The following MACROD2 variants were observed in gnomAD, a reference collection of about 807,000 sequenced individuals.
MACROD2 encodes mono-ADP ribosylhydrolase 2, also known as ADP-ribose glycohydrolase MACROD2.
Under a neutral mutation model 70.4 loss-of-function variants are expected in MACROD2, and 36 were observed. That is an observed-to-expected ratio of 0.51 (90% confidence interval 0.39 to 0.68). MACROD2 has a LOEUF of 0.68. MACROD2 is among the 30% of genes least tolerant of loss of function. MACROD2 has a pLI of 0.00. For synonymous variants in MACROD2, 172 were observed against 178.8 expected, an observed-to-expected ratio of 0.96 and a Z score of 0.30; for missense variants, 496 against 538.4, an observed-to-expected ratio of 0.92 and a Z score of 0.78.
intron 5 of MACROD2, among the ~76,000 whole-genome samples, chr20:15,128,179 A>G (rs550269545): frequency 1.3e-5 from 2 of 152,222 alleles, no homozygotes; most frequent in South Asian, 2.1e-4. Context: ...CTCTAAGAAT[A>G]CCTGTATGTT....
chr20:15,076,850 A>C (rs991416898), intron 5 of MACROD2, among the ~76,000 whole-genome samples: 1 of 152,212 alleles, frequency 6.6e-6, no homozygotes, highest in Non-Finnish European at 1.5e-5. Context: ...TGAAGGAAGA[A>C]ATCAAAGAGT....
chr20:15,799,386 T>C (rs1568567880), intron 8 of MACROD2, among the ~76,000 whole-genome samples: 1 of 152,192 alleles, frequency 6.6e-6, no homozygotes, highest in Non-Finnish European at 1.5e-5. Context: ...CTAGAACTTA[T>C]TCTTTCTATC....
At chr20:14,859,260 C>A (rs1245180509) in intron 5 of MACROD2, among the ~76,000 whole-genome samples, 2 of 151,906 alleles carry the variant, frequency 1.3e-5, no homozygotes, top group African/African-American at 4.8e-5. Flanking sequence ...GGGTTCACTG[C>A]CAAGCAAATA....
chr20:14,389,620 C>A (rs1211277488), intron 3 of MACROD2, among the ~76,000 whole-genome samples: 1 of 152,076 alleles, frequency 6.6e-6, no homozygotes, highest in Non-Finnish European at 1.5e-5. Context: ...CGGGAGCTGG[C>A]TATGAAATTA....
At chr20:15,681,014 A>G (rs982429752) in intron 8 of MACROD2, among the ~76,000 whole-genome samples, 1 of 152,152 alleles carries the variant, frequency 6.6e-6, no homozygotes, top group South Asian at 2.1e-4. Context: ...AAAGTCATAA[A>G]CTCAGGCTGC....
rs2073384739 is a variant in MACROD2 at position 14,862,715 on chromosome 20, A to ATATAAATATATATATATATT, written c.418+177757_418+177758insATAAATATATATATATATTT. 6.3e-5 allele frequency among the ~76,000 whole-genome samples: 4 copies of ATATAAATATATATATATATT among 63,348 alleles called. 1 individual carries two copies. Among genetic ancestry groups the ATATAAATATATATATATATT allele is most frequent in the Non-Finnish European group, 8.2e-5 (3 of 36,580 alleles). 41.6% of individuals were successfully genotyped at this position (63,348 alleles called of 152,430 possible). On this transcript the variant is annotated intron_variant, in intron 5 of 17. Coordinates refer to ENST00000684519, the MANE Select transcript of MACROD2 (RefSeq NM_001351661.2). ...AATATATATAAATATATATATATAT[A>ATATAAATATATATATATATT]TTTTTTTTTAATAGAGAGGATGAAG... is the stretch of plus-strand genomic sequence containing the variant.
chr20:15,430,418 A>G (rs995469799), intron 6 of MACROD2, among the ~76,000 whole-genome samples: 2 of 152,066 alleles, frequency 1.3e-5, no homozygotes, highest in African/African-American at 4.8e-5. Context: ...ATAGTCCACA[A>G]CACATTTCTG....
At chr20:15,478,791 A>G (rs2047056328) in intron 7 of MACROD2, among the ~76,000 whole-genome samples, 1 of 152,162 alleles carries the variant, frequency 6.6e-6, no homozygotes, top group African/African-American at 2.4e-5. Flanking sequence ...AGAAGGAAGA[A>G]TTGCTATTCC....
intron 5 of MACROD2, among the ~76,000 whole-genome samples, chr20:14,767,780 T>C (rs1281499608): frequency 6.6e-6 from 1 of 152,012 alleles, no homozygotes; most frequent in East Asian, 1.9e-4. Context: ...CCTAATGCTA[T>C]CCGTCCTCTA....
intron 2 of MACROD2, among the ~76,000 whole-genome samples, chr20:14,048,166 A>G (rs2053506128): frequency 6.6e-6 from 1 of 152,188 alleles, no homozygotes; most frequent in South Asian, 2.1e-4. Context: ...ATTGCCAAAG[A>G]AGAAGGCTTT....
chr20:15,543,589 A>G, intron 8 of MACROD2, among the ~76,000 whole-genome samples: 1 of 148,528 alleles, frequency 6.7e-6, no homozygotes, highest in South Asian at 2.2e-4. Flanking sequence ...GCAATGAGGT[A>G]AACCTCCTCT....
intron 8 of MACROD2, among the ~76,000 whole-genome samples, chr20:15,768,189 G>A (rs73244057): frequency 0.015 from 2,279 of 151,974 alleles, 54 homozygotes; most frequent in African/African-American, 0.052. Flanking sequence ...ATGGGGAAAT[G>A]TTCTGAGAAA....
intron 5 of MACROD2, among the ~76,000 whole-genome samples, chr20:14,984,366 A>G (rs1299963732): frequency 6.6e-6 from 1 of 152,110 alleles, no homozygotes; most frequent in Non-Finnish European, 1.5e-5. Flanking sequence ...TTGGTTGGTT[A>G]ATTTTTTTTC....
chr20:15,625,523 A>G (rs2146739309), intron 8 of MACROD2, among the ~76,000 whole-genome samples: 1 of 152,342 alleles, frequency 6.6e-6, no homozygotes, highest in South Asian at 2.1e-4. Flanking sequence ...GCTTGCCGTA[A>G]TTTTTCTACC....
intron 8 of MACROD2, among the ~76,000 whole-genome samples, chr20:15,857,500 G>A (rs2147156330): frequency 6.6e-6 from 1 of 152,298 alleles, no homozygotes; most frequent in South Asian, 2.1e-4. Context: ...AAGAACATGT[G>A]GCAGAAGAAC....
intron 8 of MACROD2, among the ~76,000 whole-genome samples, chr20:15,687,822 G>C (rs1489011789): frequency 6.6e-6 from 1 of 152,156 alleles, no homozygotes; most frequent in East Asian, 1.9e-4. Context: ...GGTGGAAAAG[G>C]ACTATACTAA....
intron 10 of MACROD2, 143 bp from the exon 11 acceptor site, chr20:15,933,133 C>A: frequency 1.5e-6 from 1 of 669,028 alleles, no homozygotes; most frequent in Non-Finnish European, 2.5e-6. Context: ...CTGTTTCATG[C>A]CTCTGATTCA....
intron 9 of MACROD2, among the ~76,000 whole-genome samples, chr20:15,884,244 G>A (rs975145568): frequency 3.9e-5 from 6 of 152,064 alleles, no homozygotes; most frequent in African/African-American, 1.4e-4. Context: ...CAAACCTGGG[G>A]AAATCAGAAG....
chr20:14,724,556 C>T (rs2071506258), intron 5 of MACROD2, among the ~76,000 whole-genome samples: 1 of 152,072 alleles, frequency 6.6e-6, no homozygotes, highest in Non-Finnish European at 1.5e-5. Context: ...ATATTAGGTT[C>T]AATAGTTTAT....
Sources: allele counts gnomAD v4.1 joint callset (sites outside exome capture counted in the v4.1 genomes callset), GRCh38; gene constraint gnomAD v4.1.1; transcripts MANE v1.5; gene names NCBI Gene and HGNC (gene_info 2026-07-23, HGNC 2026-07-21).